Variants in OR1S1 observed in about 807,000 individuals in gnomAD.
OR1S1 encodes olfactory receptor family 1 subfamily S member 1, also known as olfactory receptor 1S1.
For synonymous variants in OR1S1, 156 were observed against 143.9 expected (o/e 1.08, Z -0.60); for missense variants, 411 against 367.5 (o/e 1.12, Z -0.97).
chr11:58,213,844 T>G (rs1852866175), intron 1 of OR1S1, among the ~76,000 whole-genome samples: 1 of 152,132 alleles, frequency 6.6e-6, no homozygotes. Flanking sequence ...CTTTAAGATC[T>G]CTCTTTCATA....
exon 2 of OR1S1, chr11:58,215,862 A>G (rs759545900): frequency 7.2e-5 from 78 of 1,082,450 alleles, no homozygotes; most frequent in Non-Finnish European, 9.8e-5. Context: ...AAGGGGTTGG[A>G]GCTTTTCCAC....
exon 2 of OR1S1, chr11:58,215,272 C>T: frequency 1.2e-6 from 2 of 1,613,706 alleles, no homozygotes; most frequent in Non-Finnish European, 1.7e-6. Flanking sequence ...CCCTTCTGCT[C>T]ATTCAATTGC....
intron 1 of OR1S1, 31 bp from the exon 2 acceptor site, chr11:58,214,698 C>A (rs1483950281): frequency 6.4e-7 from 1 of 1,554,476 alleles, no homozygotes. Context: ...TGACTTACTG[C>A]AATGGCTGCA....
Position 58,214,086 on chromosome 11 carries a change from T to C in OR1S1, c.-55-643T>C, listed in dbSNP as rs571407793. Among the ~76,000 whole-genome samples, 17 of 151,960 alleles carry C rather than the reference T, an allele frequency of 1.1e-4. No homozygotes were observed. The East Asian group carries it at 3.1e-3, about 28-fold the overall frequency. On this transcript the variant is annotated intron_variant, in intron 1 of 1. Transcript: ENST00000641544. ...TCTTTTCTCTTTACCCCTGCCATCG[T>C]AGCCTGATCCAGTGAGCCCCTTTAA...
chr11:58,215,603 G>C (rs185236093), exon 2 of OR1S1: 1 of 1,614,016 alleles, frequency 6.2e-7, no homozygotes, highest in Non-Finnish European at 8.5e-7. Flanking sequence ...TGATAAGATT[G>C]GTGCTGTCCT....
exon 2 of OR1S1, chr11:58,214,818 T>C: frequency 6.2e-7 from 1 of 1,614,068 alleles, no homozygotes; most frequent in East Asian, 2.2e-5. Flanking sequence ...ATCACTGAAT[T>C]CATTCTCCTG....
chr11:58,215,828 A>T (rs545668267), exon 2 of OR1S1: 2 of 1,390,982 alleles, frequency 1.4e-6, no homozygotes, highest in Non-Finnish European at 2.0e-6. Flanking sequence ...ACTTGCAGGT[A>T]TCTGTCTCCT....
rs775380071 is a variant in OR1S1, at chr11:58,214,718, T to C, written c.-55-11T>C. The stretch of plus-strand genomic sequence containing the variant: ...TACTGCAATGGCTGCAGCCAAATGA[T>C]ACCATGTTAGGTTTTCTTGTAGGAA... On this transcript the variant is annotated splice_polypyrimidine_tract_variant and intron_variant, in intron 1 of 1. Coordinates refer to ENST00000641544, the Ensembl canonical transcript of OR1S1. The C allele has an allele frequency of 5.0e-6, 8 of 1,601,840 alleles. No individual in the cohort carries two copies. The highest frequency in any genetic ancestry group is 1.1e-5 in the South Asian group (1 of 89,678).
Position 58,215,479 on chromosome 11 carries a change from G to C in OR1S1, c.696G>C (p.Gln232His), listed in dbSNP as rs868221100. Residue 232 changes from glutamine to histidine, a missense_variant, in exon 2 of 2, where the codon CAG (glutamine) becomes CAC (histidine). Coordinates refer to ENST00000641544, the Ensembl canonical transcript of OR1S1. ...CTGTCCTGAGAGTATCTTCCACACA[G>C]GGAAAGTGGAAAGCCTTCTCCACTT... 3 of 1,614,116 alleles carry C rather than the reference G, an allele frequency of 1.9e-6. No homozygotes were observed. Among genetic ancestry groups the C allele is most frequent in the Non-Finnish European group, 1.7e-6 (2 of 1,180,020 alleles).
rs544707748 is a variant in OR1S1, at chr11:58,214,583, C to T, written c.-55-146C>T. ...AACAGTTTTTTTGAGAAGTTTCGGC[C>T]ATGTCCTGTCTTTTTCTAAGGCATT... On this transcript the variant is annotated intron_variant, in intron 1 of 1. Transcript: ENST00000641544. 54 of 632,836 alleles carry T rather than the reference C, an allele frequency of 8.5e-5. No homozygotes were observed. In the South Asian group the frequency reaches 1.1e-3, roughly 12 times the overall value. The allele number at this position is 632,836 out of a possible 1,614,324, so 39.2% of individuals were successfully genotyped here. A position where few individuals can be genotyped will look rare whatever the true frequency, so the allele number is the denominator to read the frequency against.
chr11:58,214,622 C>T, intron 1 of OR1S1, 107 bp from the exon 2 acceptor site: 1 of 813,090 alleles, frequency 1.2e-6, no homozygotes, highest in Non-Finnish European at 2.0e-6. Flanking sequence ...CAAATCTCTG[C>T]ACTGCTGAAA....
At chr11:58,212,803 C>A (rs1470532383) in exon 1 of OR1S1, 2 of 152,244 alleles carry the variant, frequency 1.3e-5, no homozygotes, top group African/African-American at 4.8e-5. Context: ...AGACAGTCAC[C>A]TTAAGAATTC....
chr11:58,213,774 G>A (rs369285889), intron 1 of OR1S1, among the ~76,000 whole-genome samples: 28 of 152,040 alleles, frequency 1.8e-4, no homozygotes, highest in African/African-American at 1.4e-4. Context: ...AGGGGCTCCC[G>A]TTTGGGACTG....
exon 2 of OR1S1, chr11:58,215,289 G>C (rs1279580768): frequency 6.2e-7 from 1 of 1,613,310 alleles, no homozygotes; most frequent in East Asian, 2.2e-5. Context: ...TTGCTCTTCT[G>C]TAACCACAAC....
chr11:58,215,800 T>C lies in OR1S1; in HGVS notation c.*78T>C, dbSNP rs562068076. The stretch of plus-strand genomic sequence containing the variant: ...CCCAGAGCGTATGGCACAGTTGTGA[T>C]GGTTCAACTTTTGATGAACTTGCAG... On this transcript the variant is annotated 3_prime_UTR_variant, in exon 2 of 2. Transcript: ENST00000641544. 399 of 1,506,742 alleles carry C rather than the reference T, an allele frequency of 2.6e-4. 1 individual carries two copies. In the Middle Eastern group the frequency reaches 0.011, roughly 40 times the overall value. The allele number at this position is 1,506,742 out of a possible 1,614,324, so 93.3% of individuals were successfully genotyped here.
intron 1 of OR1S1, 28 bp from the exon 2 acceptor site, chr11:58,214,701 T>TG (rs1852896396): frequency 6.3e-7 from 1 of 1,577,052 alleles, no homozygotes; most frequent in Non-Finnish European, 8.6e-7. Context: ...CTTACTGCAA[T>TG]GGCTGCAGCC....
At chr11:58,215,329 C>T (rs1172927115) in exon 2 of OR1S1, 6 of 1,613,630 alleles carry the variant, frequency 3.7e-6, no homozygotes, top group Non-Finnish European at 5.1e-6. Flanking sequence ...GTGACTTGGC[C>T]CCTCTGCTCA....
chr11:58,213,729 G>C (rs1854982487), intron 1 of OR1S1, among the ~76,000 whole-genome samples: 1 of 152,182 alleles, frequency 6.6e-6, no homozygotes, highest in Non-Finnish European at 1.5e-5. Context: ...TATGTGGCAG[G>C]CCTGGTGTCT....
chr11:58,214,843 G>A (rs1452731987), exon 2 of OR1S1: 1 of 1,613,924 alleles, frequency 6.2e-7, no homozygotes, highest in South Asian at 1.1e-5. Flanking sequence ...TTTTCAAGCA[G>A]GATGAGCATC....
Sources: allele counts gnomAD v4.1 joint callset (sites outside exome capture counted in the v4.1 genomes callset), GRCh38; gene constraint gnomAD v4.1.1; transcripts MANE v1.5; gene names NCBI Gene and HGNC (gene_info 2026-07-23, HGNC 2026-07-21).